PSMB7: variants seen among roughly 807,000 people sequenced by gnomAD.
PSMB7 encodes the protein proteasome 20S subunit beta 7, also known as proteasome subunit beta type-7.
Under a neutral mutation model 28.1 loss-of-function variants are expected in PSMB7, and 5 were observed. The observed-to-expected ratio is 0.18, with a 90% CI of 0.09 to 0.37. The LOEUF (loss-of-function observed/expected upper bound fraction) is 0.37. Ranked by LOEUF, PSMB7 falls within the 10% of genes least tolerant of loss-of-function variation. The pLI, the probability that PSMB7 is intolerant of heterozygous loss-of-function variation, is 1.00. For missense variants in PSMB7, 275 were observed against 346.2 expected, an observed-to-expected ratio of 0.79 and a Z score of 1.63; for synonymous variants, 122 against 123.7, an observed-to-expected ratio of 0.99 and a Z score of 0.09.
intron 6 of PSMB7, among the ~76,000 whole-genome samples, chr9:124,363,193 A>G (rs1246056987): frequency 6.6e-6 from 1 of 152,228 alleles, no homozygotes; most frequent in African/African-American, 2.4e-5. Flanking sequence ...AGAGACCCCT[A>G]CCAAATGGGG....
intron 6 of PSMB7, among the ~76,000 whole-genome samples, chr9:124,362,714 T>G (rs1009943663): frequency 9.4e-6 from 1 of 106,486 alleles, no homozygotes; most frequent in Non-Finnish European, 2.0e-5. Context: ...AGCTAAGATT[T>G]AAGTGTTCTC....
At chr9:124,415,142 G>A (rs1002756673) in intron 1 of PSMB7, 1 of 632,642 alleles carries the variant, frequency 1.6e-6, no homozygotes, top group Admixed American at 2.9e-5. Context: ...TTAGGAGACG[G>A]AGATAAACGG....
rs374227188 is a variant in PSMB7, at chr9:124,415,367, C to T, written c.59G>A (p.Arg20His). Residue 20 changes from arginine to histidine, a missense_variant, in exon 1 of 8, where the codon CGC (arginine) becomes CAC (histidine). This residue lies in a region of PSMB7 where 62 missense variants were observed against 43.9 expected (regional missense o/e 1.41). Coordinates refer to ENST00000259457, the MANE Select transcript of PSMB7 (RefSeq NM_002799.4). ...CAAGCCCCAAGCAAGGCGGCACCTG[C>T]GGCAGTTATCAAAAGAGAAGCCTCC... is the stretch of plus-strand genomic sequence containing the variant. Reference protein sequence around the residue: ...PVGGFSFDNCRRNAVLEADFA... With the variant: ...PVGGFSFDNCHRNAVLEADFA... 15 of 1,613,964 alleles carry T rather than the reference C, an allele frequency of 9.3e-6. No individual in the cohort carries two copies. The highest frequency in any genetic ancestry group is 1.3e-5 in the Non-Finnish European group (15 of 1,179,976).
chr9:124,397,572 C>A (rs910130300), intron 5 of PSMB7, among the ~76,000 whole-genome samples: 1 of 152,126 alleles, frequency 6.6e-6, no homozygotes, highest in Non-Finnish European at 1.5e-5. Context: ...ATTTAGACAC[C>A]CTTGTCTTCT....
intron 5 of PSMB7, among the ~76,000 whole-genome samples, chr9:124,388,270 G>C (rs1214506925): frequency 1.3e-5 from 2 of 152,218 alleles, no homozygotes; most frequent in African/African-American, 2.4e-5. Context: ...AAAAGCCAGG[G>C]GACAGCGTGG....
intron 2 of PSMB7, among the ~76,000 whole-genome samples, 195 bp downstream of exon 2, chr9:124,414,647 C>A (rs372253067): frequency 3.3e-5 from 5 of 151,664 alleles, no homozygotes; most frequent in African/African-American, 7.3e-5. Context: ...AAAACCTCAG[C>A]AAAGTGAGGA....
At chr9:124,379,489 G>A (rs12683413) in intron 6 of PSMB7, among the ~76,000 whole-genome samples, 3 of 152,182 alleles carry the variant, frequency 2.0e-5, no homozygotes, top group African/African-American at 4.8e-5. Context: ...GTAGCGTTTA[G>A]GCCAAAACTG....
intron 6 of PSMB7, among the ~76,000 whole-genome samples, chr9:124,375,807 G>A (rs1428965351): frequency 5.9e-5 from 9 of 152,122 alleles, no homozygotes; most frequent in Non-Finnish European, 1.2e-4. Context: ...GGCTAAACAC[G>A]GATAGTCTTC....
At chr9:124,389,456 G>C (rs1242097763) in intron 5 of PSMB7, among the ~76,000 whole-genome samples, 2 of 152,124 alleles carry the variant, frequency 1.3e-5, no homozygotes, top group Admixed American at 6.5e-5. Flanking sequence ...TCAGTGACCA[G>C]CACTTAGGTG....
At chr9:124,374,047 T>A (rs1233521888) in intron 6 of PSMB7, among the ~76,000 whole-genome samples, 1 of 151,850 alleles carries the variant, frequency 6.6e-6, no homozygotes, top group Non-Finnish European at 1.5e-5. Flanking sequence ...TACAACAGAA[T>A]ACTATTTGAC....
intron 2 of PSMB7, among the ~76,000 whole-genome samples, chr9:124,414,611 T>TA (rs11418169): frequency 0.42 from 59,556 of 140,902 alleles, 12,464 homozygotes; most frequent in African/African-American, 0.5. Context: ...CTGACCTGTT[T>TA]AAAAAAAAAA....
At chr9:124,406,328 C>G (rs938073306) in intron 4 of PSMB7, among the ~76,000 whole-genome samples, 6 of 151,684 alleles carry the variant, frequency 4.0e-5, no homozygotes, top group Admixed American at 3.3e-4. Flanking sequence ...TATGGCGAGA[C>G]CCTGTCTACA....
In PSMB7 at chr9:124,412,209, G is replaced by A. The variant is rs1388176696; in HGVS notation, c.395+143C>T. 4.6e-6 allele frequency: 4 copies of A among 868,732 alleles called. No homozygotes were observed. In the African/African-American group the frequency reaches 5.1e-5, roughly 11 times the overall value. The allele number at this position is 868,732 out of a possible 1,614,324, so 53.8% of individuals were successfully genotyped here. A position where few individuals can be genotyped will look rare whatever the true frequency, so the allele number is the denominator to read the frequency against. ...GCACCATCAAAAACCATTTAAAATGGCTCTTTAATATAACAACTGATTTCC... is the reference window on the plus strand; with the variant it reads ...GCACCATCAAAAACCATTTAAAATGACTCTTTAATATAACAACTGATTTCC... On this transcript the variant is annotated intron_variant, in intron 4 of 7. Coordinates refer to ENST00000259457, the MANE Select transcript of PSMB7 (RefSeq NM_002799.4).
At chr9:124,415,186 C>A (rs925106308) in intron 1 of PSMB7, 178 bp downstream of exon 1, 2 of 703,980 alleles carry the variant, frequency 2.8e-6, no homozygotes, top group Non-Finnish European at 4.7e-6. Flanking sequence ...GGAGAGCAGA[C>A]CCGGCTTCAG....
intron 5 of PSMB7, among the ~76,000 whole-genome samples, chr9:124,395,017 C>T (rs1001112627): frequency 6.6e-6 from 1 of 152,200 alleles, no homozygotes; most frequent in Non-Finnish European, 1.5e-5. Flanking sequence ...GAGCTACACA[C>T]AGAAAAATGT....
intron 5 of PSMB7, among the ~76,000 whole-genome samples, chr9:124,395,918 T>C (rs1588578933): frequency 6.6e-6 from 1 of 152,156 alleles, no homozygotes; most frequent in Non-Finnish European, 1.5e-5. Context: ...CCAGCACAGC[T>C]CCTCCCTTGC....
At chr9:124,372,712 G>A (rs1830574797) in intron 6 of PSMB7, among the ~76,000 whole-genome samples, 1 of 152,196 alleles carries the variant, frequency 6.6e-6, no homozygotes, top group Non-Finnish European at 1.5e-5. Flanking sequence ...AATGGCAAGG[G>A]TAGAAATGAG....
intron 6 of PSMB7, 85 bp downstream of exon 6, chr9:124,384,513 G>A (rs537982138): frequency 7.8e-7 from 1 of 1,285,484 alleles, no homozygotes; most frequent in East Asian, 2.4e-5. Flanking sequence ...ACAAGCTCGG[G>A]AGGAATCAGC....
At chr9:124,408,778 T>C (rs539046899) in intron 4 of PSMB7, among the ~76,000 whole-genome samples, 7 of 152,270 alleles carry the variant, frequency 4.6e-5, no homozygotes, top group African/African-American at 1.7e-4. Context: ...AAAAAACAGA[T>C]CTTCAAAAAT....
Sources: gnomAD v4.1 joint callset for allele counts (sites outside exome capture counted in the v4.1 genomes callset) on GRCh38, gnomAD v4.1.1 for gene constraint, gnomAD v4.1.1 regional missense constraint, MANE v1.5 for transcripts, NCBI Gene and HGNC (gene_info 2026-07-23, HGNC 2026-07-21) for gene names.